Variants in SLC35E4 observed in about 807,000 individuals in gnomAD.
SLC35E4 encodes solute carrier family 35 member E4, also known as solute carrier family 35, member E4.
Under a neutral mutation model 19.3 loss-of-function variants are expected in SLC35E4, and 15 were observed. The ratio of observed to expected loss-of-function variants is 0.78; its 90% CI spans 0.52 to 1.20. The LOEUF is 1.20. Among genes scored for constraint, SLC35E4 ranks in the 50% most tolerant of loss-of-function variants. The pLI, the probability that SLC35E4 is intolerant of heterozygous loss-of-function variation, is 0.00. For synonymous variants in SLC35E4, 219 were observed against 219.9 expected, an observed-to-expected ratio of 1.00 and a Z score of 0.04; for missense variants, 406 against 472.3, an observed-to-expected ratio of 0.86 and a Z score of 1.30.
rs1338576173 is a variant in SLC35E4 at position 30,636,637 on chromosome 22, A to G, written c.187A>G (p.Met63Val). Residue 63 changes from methionine to valine, a missense_variant, in exon 1 of 2, where the codon ATG becomes GTG. Coordinates refer to ENST00000343605, the MANE Select transcript of SLC35E4 (RefSeq NM_001001479.4). The stretch of plus-strand genomic sequence containing the variant: ...GGTGTGGCTGCTGGCGGGAGCCAGC[A>G]TGTCAAGCCTCAACAAGTGGATCTT... Reference protein sequence around the residue: ...ALVWLLAGASMSSLNKWIFTV... With the variant: ...ALVWLLAGASVSSLNKWIFTV... 2 of 1,610,818 alleles carry G rather than the reference A, an allele frequency of 1.2e-6. No individual in the cohort carries two copies. The highest frequency in any genetic ancestry group is 1.1e-5 in the South Asian group (1 of 90,974).
chr22:30,659,944 A>C (rs1162773528), intron 2 of SLC35E4, among the ~76,000 whole-genome samples: 1 of 152,174 alleles, frequency 6.6e-6, no homozygotes, highest in East Asian at 1.9e-4. Context: ...CACACGTAGA[A>C]AGCACCAGAA....
chr22:30,640,900 C>G (rs1380341057), intron 1 of SLC35E4, among the ~76,000 whole-genome samples: 1 of 152,092 alleles, frequency 6.6e-6, no homozygotes, highest in Non-Finnish European at 1.5e-5. Flanking sequence ...TGATGACAGC[C>G]CACAGCCAGG....
At chr22:30,657,571 A>G (rs1318855319) in intron 2 of SLC35E4, among the ~76,000 whole-genome samples, 6 of 151,778 alleles carry the variant, frequency 4.0e-5, no homozygotes, top group African/African-American at 1.2e-4. Context: ...CCAGCCTGGG[A>G]AATATGGTGA....
intron 2 of SLC35E4, among the ~76,000 whole-genome samples, chr22:30,653,294 CCTG>C (rs1205204647): frequency 6.6e-6 from 1 of 152,120 alleles, no homozygotes; most frequent in East Asian, 1.9e-4. Flanking sequence ...GTTCTCTATG[CCTG>C]CTGAAGTTTT....
chr22:30,646,176 T>C (rs544412702), intron 1 of SLC35E4, among the ~76,000 whole-genome samples: 5 of 152,370 alleles, frequency 3.3e-5, no homozygotes, highest in African/African-American at 9.6e-5. Context: ...AGCATATCAT[T>C]GTTTCAGCTC....
chr22:30,642,569 C>T (rs563873920), intron 1 of SLC35E4, among the ~76,000 whole-genome samples: 9 of 151,872 alleles, frequency 5.9e-5, no homozygotes, highest in African/African-American at 2.2e-4. Context: ...GAATCCCCGT[C>T]TCTACTAAAA....
chr22:30,652,664 C>T (rs940867120), downstream of SLC35E4, among the ~76,000 whole-genome samples: 3 of 152,222 alleles, frequency 2.0e-5, no homozygotes, highest in African/African-American at 4.8e-5. Context: ...GGGGCATTCA[C>T]GTGGCTGTTG....
chr22:30,636,922 C>G lies in SLC35E4; in HGVS notation c.472C>G (p.Arg158Gly), dbSNP rs374433777. Residue 158 changes from arginine to glycine, a missense_variant, in exon 1 of 2, where the codon CGC becomes GGC. Arg to Gly is a moderately radical substitution (Grantham distance 125). Transcript: ENST00000343605. Reference sequence around the variant, plus strand: ...CCTGTCGGCGCTGCTGCTGGGCCGCCGCCACCACCCACTTCAGTTGGCCGC... The same window carrying G: ...CCTGTCGGCGCTGCTGCTGGGCCGCGGCCACCACCCACTTCAGTTGGCCGC... ...LALSALLLGR[R>G]HHPLQLAAMG... 3 of 1,611,692 alleles carry G rather than the reference C, an allele frequency of 1.9e-6. No homozygotes were observed. The highest frequency in any genetic ancestry group is 2.5e-6 in the Non-Finnish European group (3 of 1,179,184).
At chr22:30,641,844 GC>G (rs2088046394) in intron 1 of SLC35E4, among the ~76,000 whole-genome samples, 2 of 149,264 alleles carry the variant, frequency 1.3e-5, no homozygotes, top group Non-Finnish European at 3.0e-5. Context: ...ACAGGTGTGA[GC>G]CAACATGCCG....
In SLC35E4 at chr22:30,647,169, G is replaced by A. The variant is rs2088149156; in HGVS notation, c.*138G>A. 1 of 1,102,086 alleles carries A rather than the reference G, an allele frequency of 9.1e-7. No individual in the cohort carries two copies. The highest frequency in any genetic ancestry group is 1.6e-5 in the African/African-American group (1 of 62,948). The allele number at this position is 1,102,086 out of a possible 1,614,324, so 68.3% of individuals were successfully genotyped here. ...TCCCAGCACTTCCAGAGTCCGAGGT[G>A]GGTGGATCACCTGAGGCCAGGAGTT... On this transcript the variant is annotated 3_prime_UTR_variant, in exon 2 of 2. Coordinates refer to ENST00000343605, the MANE Select transcript of SLC35E4 (RefSeq NM_001001479.4).
intron 1 of SLC35E4, among the ~76,000 whole-genome samples, chr22:30,643,169 A>C (rs1221444477): frequency 6.6e-6 from 1 of 152,072 alleles, no homozygotes; most frequent in African/African-American, 2.4e-5. Context: ...CCTCCTACCC[A>C]CAGAAAGGGT....
At chr22:30,655,646 T>G (rs143229643) in intron 2 of SLC35E4, among the ~76,000 whole-genome samples, 30 of 152,232 alleles carry the variant, frequency 2.0e-4, no homozygotes, top group African/African-American at 7.2e-4. Context: ...GAATCTGGTT[T>G]CAGCATAAAC....
At chr22:30,654,358 ACTGT>A (rs1430724215) in intron 2 of SLC35E4, 12 of 463,358 alleles carry the variant, frequency 2.6e-5, no homozygotes, top group South Asian at 1.1e-4. Context: ...GGTGGCTGTC[ACTGT>A]CTGGTACTTC....
At chr22:30,661,072 C>G (rs1444973852) in intron 2 of SLC35E4, among the ~76,000 whole-genome samples, 4 of 152,142 alleles carry the variant, frequency 2.6e-5, no homozygotes, top group Admixed American at 6.6e-5. Flanking sequence ...AACACTTGAC[C>G]TCAAGTGATC....
At chr22:30,663,980 G>A (rs559815332), downstream of SLC35E4, 5 of 1,613,908 alleles carry the variant, frequency 3.1e-6, no homozygotes, top group African/African-American at 5.3e-5. Context: ...ACTGAACTGG[G>A]AAGGCACACG....
intron 1 of SLC35E4, among the ~76,000 whole-genome samples, chr22:30,646,349 G>A (rs900899419): frequency 2.0e-5 from 3 of 152,174 alleles, no homozygotes; most frequent in African/African-American, 7.2e-5. Context: ...CTCCAGGTGA[G>A]GAAACTCAGG....
At position 30,636,796 on chromosome 22, in the gene SLC35E4, A is replaced by C; in HGVS notation, c.346A>C (p.Thr116Pro). Residue 116 changes from threonine (T) to proline (P), a missense_variant, in exon 1 of 2, where the codon ACC becomes CCC. Coordinates refer to ENST00000343605, the MANE Select transcript of SLC35E4 (RefSeq NM_001001479.4). ...TRCRVLLLSL[T>P]FGTSMACGNV... The stretch of plus-strand genomic sequence containing the variant: ...CTGCCGAGTCCTACTGCTCAGTCTC[A>C]CCTTTGGCACGTCCATGGCCTGCGG... 3 of 1,612,354 alleles carry C rather than the reference A, an allele frequency of 1.9e-6. No individual in the cohort carries two copies. Among genetic ancestry groups the C allele is most frequent in the South Asian group, 1.1e-5 (1 of 90,902 alleles).
downstream of SLC35E4, among the ~76,000 whole-genome samples, chr22:30,648,988 G>A (rs993467135): frequency 1.3e-5 from 2 of 152,204 alleles, no homozygotes; most frequent in Admixed American, 6.5e-5. Context: ...GCTGGCGTCA[G>A]CTTTGTTATT....
rs75944395 is a variant in SLC35E4, at chr22:30,636,738, G to T, written c.288G>T (p.Arg96=). ...HMLVAALACH[R]GARRPMPGGT... ...TGGTGGCAGCCCTGGCATGCCACCG[G>T]GGGGCACGGCGCCCCATGCCAGGCG... Residue 96 remains arginine (R), a synonymous_variant, in exon 1 of 2, where the codon CGG becomes CGT. Coordinates refer to ENST00000343605, the MANE Select transcript of SLC35E4 (RefSeq NM_001001479.4). 8.1e-5 allele frequency: 131 copies of T among 1,611,954 alleles called. 1 individual carries two copies. The African/African-American group carries it at 1.5e-3, about 19-fold the overall frequency.
Sources: gnomAD v4.1 joint callset for allele counts (sites outside exome capture counted in the v4.1 genomes callset) on GRCh38, gnomAD v4.1.1 for gene constraint, MANE v1.5 for transcripts, NCBI Gene and HGNC (gene_info 2026-07-23, HGNC 2026-07-21) for gene names.